The following PTBP1 variants were observed in gnomAD, a reference collection of about 807,000 sequenced individuals.
The protein encoded by PTBP1 is polypyrimidine tract-binding protein 1.
In PTBP1, 8 loss-of-function variants were observed where a neutral mutation model predicts 59.8. The ratio of observed to expected loss-of-function variants is 0.13; its 90% CI spans 0.08 to 0.24. PTBP1 has a LOEUF of 0.24. Among genes scored for constraint, PTBP1 ranks in the 10% least tolerant of loss-of-function variants. The pLI is 1.00. For missense variants in PTBP1, 686 were observed against 767.0 expected, an observed-to-expected ratio of 0.89 and a Z score of 1.25; for synonymous variants, 490 against 320.7, an observed-to-expected ratio of 1.53 and a Z score of -5.64.
Position 808,271 on chromosome 19 carries a change from C to A in PTBP1, c.1154-89C>A. ...GCAAACCCGGCCGGGCTGAGCCGGG[C>A]CTTGTGGGGGTGCGCGGGGCCGGGG... On this transcript the variant is annotated intron_variant, in intron 11 of 14. Coordinates refer to ENST00000356948, the MANE Select transcript of PTBP1 (RefSeq NM_002819.5). The surrounding 1 kb of genome is among the most constrained non-coding windows in gnomAD (Gnocchi z 4.7). The A allele has an allele frequency of 1.8e-6, 2 of 1,130,328 alleles. No individual in the cohort carries two copies. Among genetic ancestry groups the A allele is most frequent in the Non-Finnish European group, 2.6e-6 (2 of 769,764 alleles). 70.0% of individuals were successfully genotyped at this position (1,130,328 alleles called of 1,614,324 possible). A position where few individuals can be genotyped will look rare whatever the true frequency, so the allele number is the denominator to read the frequency against.
rs1287193489 is a variant in PTBP1, at chr19:808,318, C to T, written c.1154-42C>T. ...GGGGCTGACGGGGAGATGGGCGGGGCAGGCAGCAGGAGACTCAGGCCCCAT... is the reference window on the plus strand; with the variant it reads ...GGGGCTGACGGGGAGATGGGCGGGGTAGGCAGCAGGAGACTCAGGCCCCAT... On this transcript the variant is annotated intron_variant, in intron 11 of 14. Coordinates refer to ENST00000356948, the MANE Select transcript of PTBP1 (RefSeq NM_002819.5). This position sits in a 1 kb window ranked among gnomAD's most constrained non-coding sequence, Gnocchi z 4.7. 5 of 1,480,730 alleles carry T rather than the reference C, an allele frequency of 3.4e-6. No individual in the cohort carries two copies. Among genetic ancestry groups the T allele is most frequent in the African/African-American group, 1.4e-5 (1 of 71,806 alleles). The allele number at this position is 1,480,730 out of a possible 1,614,324, so 91.7% of individuals were successfully genotyped here.
chr19:805,900 C>G, intron 9 of PTBP1: 1 of 374,144 alleles, frequency 2.7e-6, no homozygotes, highest in Non-Finnish European at 5.0e-6. Flanking sequence ...TTTGAGTGGC[C>G]TGGTAAGCGC....
In PTBP1 at chr19:809,316, A is replaced by AT. The variant is rs550713087; in HGVS notation, c.1463+557dup. On this transcript the variant is annotated intron_variant, in intron 13 of 14. Transcript: ENST00000356948. ...CCACCGCGCCTAGCCACATTTATTTATTTATTTATTTATTTTACTTATTTT... is the reference window on the plus strand; with the variant it reads ...CCACCGCGCCTAGCCACATTTATTTATTTTATTTATTTATTTTACTTATTTT... Among the ~76,000 whole-genome samples, 203 of 144,212 alleles carry AT rather than the reference A, an allele frequency of 1.4e-3. No individual in the cohort carries two copies. In the South Asian group the frequency reaches 0.015, roughly 10 times the overall value. The allele number at this position is 144,212 out of a possible 152,430, so 94.6% of individuals were successfully genotyped here.
At chr19:798,515 G>T (rs548907036) in intron 1 of PTBP1, 1 of 152,296 alleles carries the variant, frequency 6.6e-6, no homozygotes, top group Non-Finnish European at 1.5e-5. Context: ...CCCTAGAGTG[G>T]GTCTGGACCC....
Position 806,457 on chromosome 19 carries a change from C to G in PTBP1, c.1020C>G (p.Pro340=), listed in dbSNP as rs758123501. The change falls in exon 10 of 15, where the codon CCC becomes CCG. Residue 340 remains proline, a synonymous_variant. Transcript: ENST00000356948. ...VHGALAPLAI[P]SAAAAAAAAG... is the part of the protein sequence containing the mutation. ...GCGCCCTGGCCCCCCTGGCCATCCC[C>G]TCGGCGGCGGCGGCAGCTGCGGCGG... 6.3e-7 allele frequency: 1 copy of G among 1,599,194 alleles called. No homozygotes were observed. Among genetic ancestry groups the G allele is most frequent in the African/African-American group, 1.4e-5 (1 of 73,212 alleles).
intron 2 of PTBP1, among the ~76,000 whole-genome samples, chr19:802,839 A>T (rs1390842612): frequency 6.6e-6 from 1 of 152,236 alleles, no homozygotes; most frequent in Non-Finnish European, 1.5e-5. Flanking sequence ...ATCCAATTAC[A>T]TAGAAATAAC....
In PTBP1 at chr19:811,827, AC is replaced by A. The variant is rs1172454978; in HGVS notation, c.*1002del. On this transcript the variant is annotated 3_prime_UTR_variant, in exon 15 of 15. Coordinates refer to ENST00000356948, the MANE Select transcript of PTBP1 (RefSeq NM_002819.5). ...AGTCGCCTAGAAAACTTGCTCTCAA[AC>A]TTCAGGGTTTTTTCTTCCTTCAAAT... 2 of 152,360 alleles carry A rather than the reference AC, an allele frequency of 1.3e-5. No individual in the cohort carries two copies. Among genetic ancestry groups the A allele is most frequent in the Non-Finnish European group, 2.9e-5 (2 of 68,014 alleles). 9.4% of individuals were successfully genotyped at this position (152,360 alleles called of 1,614,324 possible).
At position 804,383 on chromosome 19, in the gene PTBP1, A is replaced by C; in HGVS notation, c.380A>C (p.Tyr127Ser). Residue 127 changes from tyrosine (Y) to serine (S), a missense_variant, in exon 5 of 15, where the codon TAC becomes TCC. Tyr to Ser is a moderately radical substitution (Grantham distance 144). Coordinates refer to ENST00000356948, the MANE Select transcript of PTBP1 (RefSeq NM_002819.5). ...VTPVLRGQPI[Y>S]IQFSNHKELK... ...CCTGTGCTGCGCGGCCAGCCCATCT[A>C]CATCCAGTTCTCCAACCACAAGGAG... 1 of 1,612,884 alleles carries C rather than the reference A, an allele frequency of 6.2e-7. No homozygotes were observed. Among genetic ancestry groups the C allele is most frequent in the Non-Finnish European group, 8.5e-7 (1 of 1,179,984 alleles).
chr19:799,750 A>G (rs2034248940), intron 2 of PTBP1, among the ~76,000 whole-genome samples: 2 of 152,044 alleles, frequency 1.3e-5, no homozygotes, highest in Admixed American at 1.3e-4. Context: ...CTGCCTCTAG[A>G]GGCTGGAATC....
chr19:806,594 G>A lies in PTBP1; in HGVS notation c.1119+38G>A, dbSNP rs747341024. The stretch of plus-strand genomic sequence containing the variant: ...TTCCTCCGCGCCGCCGTTCCTCCCG[G>A]AAGAGCGAGCAGGGGATGTTGTGCT... On this transcript the variant is annotated intron_variant, in intron 10 of 14. Coordinates refer to ENST00000356948, the MANE Select transcript of PTBP1 (RefSeq NM_002819.5). 55 of 1,464,798 alleles carry A rather than the reference G, an allele frequency of 3.8e-5. No homozygotes were observed. The East Asian group carries it at 1.0e-3, about 27-fold the overall frequency. The allele number at this position is 1,464,798 out of a possible 1,614,324, so 90.7% of individuals were successfully genotyped here.
intron 3 of PTBP1, 58 bp from the exon 4 acceptor site, chr19:803,978 C>T (rs2034449029): frequency 1.3e-6 from 2 of 1,599,858 alleles, no homozygotes; most frequent in Non-Finnish European, 1.7e-6. Context: ...ATAGCAGGGA[C>T]CTTCCTCTGT....
rs781734843 is a variant in PTBP1, at chr19:797,474, C to A, written c.-24C>A. 3 of 1,596,304 alleles carry A rather than the reference C, an allele frequency of 1.9e-6. No individual in the cohort carries two copies. Among genetic ancestry groups the A allele is most frequent in the East Asian group, 2.3e-5 (1 of 43,768 alleles). ...GCTATTCCGGCGCCTCCACTCCGTC[C>A]CCCGCGGGTCTGCTCTGTGTGCCAT... On this transcript the variant is annotated 5_prime_UTR_variant, in exon 1 of 15. Coordinates refer to ENST00000356948, the MANE Select transcript of PTBP1 (RefSeq NM_002819.5).
chr19:805,403 GCCGGC>G, intron 8 of PTBP1, 84 bp from the exon 9 acceptor site: 1 of 1,379,678 alleles, frequency 7.2e-7, no homozygotes, highest in South Asian at 1.2e-5. Flanking sequence ...GGGGCCGCCC[GCCGGC>G]CGGGTTGGGG....
chr19:810,964 T>A lies in PTBP1; in HGVS notation c.*138T>A, dbSNP rs1277421173. ...AAAGAGAAATCAGTTTACCTGTTTTTAAAAAAATTAAATCTAGTTCACCTT... is the reference window on the plus strand; with the variant it reads ...AAAGAGAAATCAGTTTACCTGTTTTAAAAAAAATTAAATCTAGTTCACCTT... On this transcript the variant is annotated 3_prime_UTR_variant, in exon 15 of 15. Coordinates refer to ENST00000356948, the MANE Select transcript of PTBP1 (RefSeq NM_002819.5). 9.7e-6 allele frequency: 9 copies of A among 928,710 alleles called. No homozygotes were observed. Among genetic ancestry groups the A allele is most frequent in the African/African-American group, 3.5e-5 (2 of 57,074 alleles). 57.5% of individuals were successfully genotyped at this position (928,710 alleles called of 1,614,324 possible).
Position 805,176 on chromosome 19 carries a change from C to T in PTBP1, c.881C>T (p.Ala294Val), listed in dbSNP as rs1404599064. The change falls in exon 8 of 15, where the codon GCC (alanine) becomes GTC (valine). Residue 294 changes from alanine (A) to valine (V), a missense_variant. Coordinates refer to ENST00000356948, the MANE Select transcript of PTBP1 (RefSeq NM_002819.5). ...DSQPSLDQTMAAAFGAPGIIS... is the reference protein window; with the variant it reads ...DSQPSLDQTMVAAFGAPGIIS... ...CAGCCCTCGCTGGACCAGACCATGG[C>T]CGCGGCCTTCGGTAAGAGGCTGCCC... 6.2e-7 allele frequency: 1 copy of T among 1,613,370 alleles called. No homozygotes were observed. Among genetic ancestry groups the T allele is most frequent in the Non-Finnish European group, 8.5e-7 (1 of 1,179,784 alleles).
In PTBP1 at chr19:805,134, T is replaced by C; in HGVS notation, c.839T>C (p.Leu280Pro). The change falls in exon 8 of 15, where the codon CTG becomes CCG. Residue 280 changes from leucine to proline, a missense_variant. Leu to Pro is a moderately conservative substitution (Grantham distance 98, BLOSUM62 -3). Transcript: ENST00000356948. ...AGCCGTGACTACACACGCCCAGACC[T>C]GCCTTCCGGGGACAGCCAGCCCTCG... Reference protein sequence around the residue: ...DKSRDYTRPDLPSGDSQPSLD... With the variant: ...DKSRDYTRPDPPSGDSQPSLD... 1.2e-6 allele frequency: 2 copies of C among 1,613,788 alleles called. No homozygotes were observed. The highest frequency in any genetic ancestry group is 1.7e-6 in the Non-Finnish European group (2 of 1,179,862).
chr19:797,516 C>A lies in PTBP1; in HGVS notation c.8+11C>A, dbSNP rs1205179671. On this transcript the variant is annotated intron_variant, in intron 1 of 14. Transcript: ENST00000356948. Reference sequence around the variant, plus strand: ...GTGTGCCATGGACGGGTGAGTCGCACGTCGCCCCGCGCCCCACCGCCCTCC... The same window carrying A: ...GTGTGCCATGGACGGGTGAGTCGCAAGTCGCCCCGCGCCCCACCGCCCTCC... The A allele has an allele frequency of 6.6e-6, 10 of 1,522,404 alleles. No individual in the cohort carries two copies. Among genetic ancestry groups the A allele is most frequent in the Middle Eastern group, 2.1e-4 (1 of 4,756 alleles). The allele number at this position is 1,522,404 out of a possible 1,614,324, so 94.3% of individuals were successfully genotyped here.
intron 1 of PTBP1, among the ~76,000 whole-genome samples, chr19:797,835 C>T (rs1188898125): frequency 1.3e-5 from 2 of 148,556 alleles, no homozygotes; most frequent in African/African-American, 4.9e-5. Context: ...GCCCTTCCCG[C>T]TTCCCGTCCG....
At chr19:798,140 G>T (rs1391785671) in intron 1 of PTBP1, among the ~76,000 whole-genome samples, 1 of 152,014 alleles carries the variant, frequency 6.6e-6, no homozygotes, top group Non-Finnish European at 1.5e-5. Context: ...AGGGGTTTCG[G>T]TGATCTCGGG....
Sources: gnomAD v4.1 joint callset for allele counts (sites outside exome capture counted in the v4.1 genomes callset) on GRCh38, gnomAD v4.1.1 for gene constraint, Gnocchi (gnomAD v3.1) non-coding constraint, MANE v1.5 for transcripts, NCBI Gene and HGNC (gene_info 2026-07-23, HGNC 2026-07-21) for gene names.